The following LIFR variants were observed in gnomAD, a reference collection of about 807,000 sequenced individuals.
LIFR encodes the protein LIF receptor subunit alpha.
Under a neutral mutation model 122.2 loss-of-function variants are expected in LIFR, and 84 were observed. The ratio of observed to expected loss-of-function variants is 0.69; its 90% CI spans 0.58 to 0.82. LIFR has a LOEUF of 0.82. Ranked by LOEUF, LIFR falls within the 40% of genes least tolerant of loss-of-function variation. The pLI is 0.00. For missense variants in LIFR, 1,294 were observed against 1,311.6 expected (o/e 0.99, Z 0.21); for synonymous variants, 422 against 434.7 (o/e 0.97, Z 0.36).
rs555848744 is a variant in LIFR at position 38,479,119 on chromosome 5, C to A, written c.*2476G>T. 6 of 232,264 alleles carry A rather than the reference C, an allele frequency of 2.6e-5. No individual in the cohort carries two copies. The highest frequency in any genetic ancestry group is 5.1e-5 in the Non-Finnish European group (6 of 117,436). The allele number at this position is 232,264 out of a possible 1,614,324, so 14.4% of individuals were successfully genotyped here. On this transcript the variant is annotated 3_prime_UTR_variant, in exon 20 of 20. Coordinates refer to ENST00000453190, the MANE Select transcript of LIFR (RefSeq NM_001127671.2). ...TTCCCGTGTTGTTACTCTCCCTACA[C>A]ACACAGGTTGGGGGGAGTAGAGGTA...
intron 1 of LIFR, among the ~76,000 whole-genome samples, chr5:38,534,804 T>G (rs2112586403): frequency 6.6e-6 from 1 of 152,244 alleles, no homozygotes; most frequent in South Asian, 2.1e-4. Context: ...CAGCACCACC[T>G]CCAGAGCAGG....
At chr5:38,556,141 A>AG (rs898291419) in intron 1 of LIFR, among the ~76,000 whole-genome samples, 193 bp downstream of exon 1, 5 of 152,084 alleles carry the variant, frequency 3.3e-5, no homozygotes, top group African/African-American at 9.6e-5. Flanking sequence ...CGCGTCCCCC[A>AG]GGACACGAGG....
intron 5 of LIFR, among the ~76,000 whole-genome samples, chr5:38,514,318 A>G (rs1050487938): frequency 2.0e-5 from 3 of 152,178 alleles, no homozygotes; most frequent in Non-Finnish European, 4.4e-5. Context: ...ATGAGTGTCC[A>G]GAAGAACAGA....
At chr5:38,484,112 T>C (rs1004026585) in intron 18 of LIFR, among the ~76,000 whole-genome samples, 1 of 152,226 alleles carries the variant, frequency 6.6e-6, no homozygotes, top group African/African-American at 2.4e-5. Flanking sequence ...TGTAACATTC[T>C]TTTCCCTCTC....
At chr5:38,568,157 G>C (rs2112709058) in intron 1 of LIFR, among the ~76,000 whole-genome samples, 1 of 152,330 alleles carries the variant, frequency 6.6e-6, no homozygotes. Flanking sequence ...TCTAGAGAGA[G>C]AAAGAGACCA....
Position 38,478,595 on chromosome 5 carries a change from AT to A in LIFR, c.*2999del, listed in dbSNP as rs980792156. The stretch of plus-strand genomic sequence containing the variant: ...TAAAAGTCTAGCTAAGTCTTTAATA[AT>A]TTAATATTAAATAAAATATTAATTA... On this transcript the variant is annotated 3_prime_UTR_variant, in exon 20 of 20. Transcript: ENST00000453190. The A allele has an allele frequency of 5.4e-6, 1 of 184,904 alleles. No individual in the cohort carries two copies. Among genetic ancestry groups the A allele is most frequent in the Non-Finnish European group, 1.1e-5 (1 of 87,240 alleles). 11.5% of individuals were successfully genotyped at this position (184,904 alleles called of 1,614,324 possible).
At chr5:38,509,989 C>T (rs1745709858) in intron 7 of LIFR, among the ~76,000 whole-genome samples, 1 of 152,098 alleles carries the variant, frequency 6.6e-6, no homozygotes, top group African/African-American at 2.4e-5. Flanking sequence ...CTCCTGCCAG[C>T]CTGTTCTCCT....
upstream of LIFR, among the ~76,000 whole-genome samples, chr5:38,598,315 C>T (rs1169942313): frequency 2.1e-4 from 29 of 140,784 alleles, no homozygotes; most frequent in African/African-American, 6.9e-4. Flanking sequence ...GGTGCAATCT[C>T]GGTGCTCTGC....
chr5:38,490,153 C>A, intron 15 of LIFR, 37 bp downstream of exon 15: 1 of 878,918 alleles, frequency 1.1e-6, no homozygotes, highest in Non-Finnish European at 1.9e-6. Flanking sequence ...TCTCATGTTG[C>A]CTTGAGCTCT....
At chr5:38,603,910 A>G (rs753807331) in intron 2 of LIFR, among the ~76,000 whole-genome samples, 1 of 152,112 alleles carries the variant, frequency 6.6e-6, no homozygotes, top group African/African-American at 2.4e-5. Flanking sequence ...ACTTAACAGC[A>G]TCTATTATCC....
chr5:38,497,638 T>A (rs541439452), intron 12 of LIFR, among the ~76,000 whole-genome samples: 8,001 of 152,128 alleles, frequency 0.053, 237 homozygotes, highest in Middle Eastern at 0.096. Flanking sequence ...CAAGTAAAAA[T>A]CTCCCATATT....
At chr5:38,591,452 G>T (rs1048557726) in intron 1 of LIFR, among the ~76,000 whole-genome samples, 4 of 152,166 alleles carry the variant, frequency 2.6e-5, no homozygotes, top group African/African-American at 9.7e-5. Context: ...CAGGCAAGAG[G>T]TATTCAGCTG....
At chr5:38,567,571 C>T (rs1749068431) in intron 1 of LIFR, among the ~76,000 whole-genome samples, 1 of 142,166 alleles carries the variant, frequency 7.0e-6, no homozygotes, top group Admixed American at 7.2e-5. Context: ...ACTCTGTTGC[C>T]CAGGCTGGAG....
intron 1 of LIFR, among the ~76,000 whole-genome samples, chr5:38,569,666 G>A (rs1401097992): frequency 1.3e-5 from 2 of 152,170 alleles, no homozygotes; most frequent in African/African-American, 2.4e-5. Context: ...CAGAAAGTTT[G>A]GGGACCGCTG....
At chr5:38,576,195 G>A (rs1027241804) in intron 1 of LIFR, among the ~76,000 whole-genome samples, 1 of 152,098 alleles carries the variant, frequency 6.6e-6, no homozygotes, top group Non-Finnish European at 1.5e-5. Flanking sequence ...AAACCACCTT[G>A]CTGGTCTAAG....
At chr5:38,585,451 A>G (rs918474658) in intron 1 of LIFR, among the ~76,000 whole-genome samples, 1 of 152,236 alleles carries the variant, frequency 6.6e-6, no homozygotes, top group Admixed American at 6.5e-5. Flanking sequence ...TCGCTTTAAC[A>G]TAGCTCTTTG....
At chr5:38,581,884 C>T (rs1471202209) in intron 1 of LIFR, among the ~76,000 whole-genome samples, 1 of 152,062 alleles carries the variant, frequency 6.6e-6, no homozygotes, top group Non-Finnish European at 1.5e-5. Flanking sequence ...GAAATGCCAC[C>T]ACACATTCCT....
intron 6 of LIFR, 86 bp from the exon 7 acceptor site, chr5:38,510,804 A>G: frequency 8.5e-7 from 1 of 1,173,560 alleles, no homozygotes; most frequent in South Asian, 1.4e-5. Flanking sequence ...TCTTTTCATA[A>G]GATGACTTTT....
chr5:38,545,366 A>G (rs553778766), intron 1 of LIFR, among the ~76,000 whole-genome samples: 10 of 149,320 alleles, frequency 6.7e-5, no homozygotes, highest in African/African-American at 1.8e-4. Flanking sequence ...GTGTGTGTGT[A>G]TGTGTGTGTG....
Sources: gnomAD v4.1 joint callset for allele counts (sites outside exome capture counted in the v4.1 genomes callset) on GRCh38, gnomAD v4.1.1 for gene constraint, MANE v1.5 for transcripts, NCBI Gene and HGNC (gene_info 2026-07-23, HGNC 2026-07-21) for gene names.